Variants in TAFA2 observed in about 807,000 individuals in gnomAD.
The protein encoded by TAFA2 is TAFA chemokine like family member 2.
TAFA2 carries 7 observed loss-of-function variants against 18.8 expected under a neutral mutation model. The observed-to-expected ratio is 0.37, with a 90% confidence interval of 0.21 to 0.70. The LOEUF (loss-of-function observed/expected upper bound fraction) is 0.70, where lower values mean the gene tolerates loss of function less well. Ranked by LOEUF, TAFA2 falls within the 30% of genes least tolerant of loss-of-function variation. The pLI is 0.53. For synonymous variants in TAFA2, 60 were observed against 54.2 expected, an observed-to-expected ratio of 1.11 and a Z score of -0.47; for missense variants, 122 against 158.1, an observed-to-expected ratio of 0.77 and a Z score of 1.23.
intron 2 of TAFA2, among the ~76,000 whole-genome samples, chr12:61,798,376 G>A (rs934037814): frequency 4.0e-5 from 6 of 151,830 alleles, no homozygotes; most frequent in Admixed American, 6.6e-5. Context: ...TGTGCAGGAC[G>A]TGCAGATTTG....
chr12:62,009,102 AACTTCAGT>A, intron 1 of TAFA2, among the ~76,000 whole-genome samples: 1 of 152,316 alleles, frequency 6.6e-6, no homozygotes, highest in Non-Finnish European at 1.5e-5. Flanking sequence ...GAGCAATGAG[AACTTCAGT>A]ATCTGGTCAC....
At chr12:61,796,557 G>A (rs972785420) in intron 2 of TAFA2, among the ~76,000 whole-genome samples, 1 of 152,012 alleles carries the variant, frequency 6.6e-6, no homozygotes, top group Non-Finnish European at 1.5e-5. Context: ...GGAAGAGTAG[G>A]GAGGAGGAAT....
chr12:62,214,249 G>T (rs2062724946), intron 1 of TAFA2, among the ~76,000 whole-genome samples: 1 of 152,118 alleles, frequency 6.6e-6, no homozygotes, highest in Non-Finnish European at 1.5e-5. Context: ...CATGTGTTGT[G>T]GGAGGTAATT....
chr12:62,031,961 G>A (rs993585121), intron 1 of TAFA2, among the ~76,000 whole-genome samples: 3 of 152,224 alleles, frequency 2.0e-5, no homozygotes, highest in South Asian at 4.1e-4. Context: ...ATTGTAAAAC[G>A]TTATTTCTTC....
At chr12:61,990,267 G>T (rs1879956349) in intron 1 of TAFA2, among the ~76,000 whole-genome samples, 1 of 151,222 alleles carries the variant, frequency 6.6e-6, no homozygotes, top group African/African-American at 2.4e-5. Flanking sequence ...TATAACTATG[G>T]ACCATTTGTT....
intron 1 of TAFA2, among the ~76,000 whole-genome samples, chr12:62,124,441 G>A (rs193155992): frequency 6.6e-6 from 1 of 151,954 alleles, no homozygotes; most frequent in Admixed American, 6.6e-5. Flanking sequence ...AAAAGAAAAT[G>A]GAATCACAAA....
intron 4 of TAFA2, among the ~76,000 whole-genome samples, chr12:61,750,319 A>G (rs921078597): frequency 6.6e-6 from 1 of 152,152 alleles, no homozygotes. Context: ...ACAGAAAGTC[A>G]TAAATTTTCC....
intron 1 of TAFA2, among the ~76,000 whole-genome samples, chr12:61,905,744 A>G (rs548340739): frequency 6.6e-6 from 1 of 152,332 alleles, no homozygotes; most frequent in East Asian, 1.9e-4. Context: ...GCAAAGGATA[A>G]TGCAGAATTT....
chr12:61,829,326 A>C (rs1295308386), intron 2 of TAFA2, among the ~76,000 whole-genome samples: 1 of 151,720 alleles, frequency 6.6e-6, no homozygotes, highest in East Asian at 1.9e-4. Flanking sequence ...GGCATTATTG[A>C]ACTCGTATAT....
chr12:61,972,967 A>G (rs934190008), intron 1 of TAFA2, among the ~76,000 whole-genome samples: 2 of 151,690 alleles, frequency 1.3e-5, no homozygotes, highest in African/African-American at 4.8e-5. Flanking sequence ...CCACCTACCT[A>G]CATACCCTAT....
intron 1 of TAFA2, among the ~76,000 whole-genome samples, chr12:61,934,456 A>G (rs1244586211): frequency 1.3e-5 from 2 of 152,228 alleles, no homozygotes; most frequent in East Asian, 3.8e-4. Context: ...GCCGACAACT[A>G]ACTCACCAGG....
intron 2 of TAFA2, among the ~76,000 whole-genome samples, chr12:61,767,894 G>T (rs1862315541): frequency 6.6e-6 from 1 of 151,816 alleles, no homozygotes; most frequent in African/African-American, 2.4e-5. Flanking sequence ...GCTTTTCATT[G>T]TTGTTGACAT....
chr12:61,718,990 T>C (rs1052994725), intron 4 of TAFA2, among the ~76,000 whole-genome samples: 7 of 152,162 alleles, frequency 4.6e-5, no homozygotes, highest in African/African-American at 1.7e-4. Flanking sequence ...CTTTGTTGGT[T>C]TGTGTTACAA....
chr12:61,931,215 T>C (rs1328420269), intron 1 of TAFA2, among the ~76,000 whole-genome samples: 1 of 152,202 alleles, frequency 6.6e-6, no homozygotes, highest in Admixed American at 6.5e-5. Flanking sequence ...CTAATCCATT[T>C]CATGTGTTAT....
intron 2 of TAFA2, among the ~76,000 whole-genome samples, chr12:61,846,363 A>G (rs141996498): frequency 6.6e-6 from 1 of 152,328 alleles, no homozygotes; most frequent in Non-Finnish European, 1.5e-5. Flanking sequence ...ACAAAGAGTC[A>G]ACAGGATTTT....
At chr12:61,833,639 A>G (rs995675788) in intron 2 of TAFA2, among the ~76,000 whole-genome samples, 9 of 151,920 alleles carry the variant, frequency 5.9e-5, no homozygotes, top group African/African-American at 1.9e-4. Context: ...AGTTGCTTCA[A>G]ATTTAATTCT....
In TAFA2 at chr12:62,148,613, A is replaced by G. The variant is rs553709568; in HGVS notation, c.-2+42646T>C. Among the ~76,000 whole-genome samples, 5 of 152,326 alleles carry G rather than the reference A, an allele frequency of 3.3e-5. No individual in the cohort carries two copies. In the East Asian group the frequency reaches 9.6e-4, roughly 29 times the overall value. ...AGATACTATGTTCACTACTTGGGCA[A>G]CAGGAACATTAGAAGCCCAAACCCC... On this transcript the variant is annotated intron_variant, in intron 1 of 4. Coordinates refer to ENST00000416284, the MANE Select transcript of TAFA2 (RefSeq NM_178539.5).
At chr12:62,145,356 G>C (rs931842243) in intron 1 of TAFA2, among the ~76,000 whole-genome samples, 2 of 152,178 alleles carry the variant, frequency 1.3e-5, no homozygotes, top group African/African-American at 4.8e-5. Flanking sequence ...TGTGAACTGC[G>C]CATGCAAGGA....
At chr12:61,794,517 A>C (rs199926077) in intron 2 of TAFA2, among the ~76,000 whole-genome samples, 3 of 152,088 alleles carry the variant, frequency 2.0e-5, no homozygotes, top group Non-Finnish European at 4.4e-5. Flanking sequence ...GATAAAAGAA[A>C]TTAAGATCTA....
Sources: allele counts gnomAD v4.1 joint callset (sites outside exome capture counted in the v4.1 genomes callset), GRCh38; gene constraint gnomAD v4.1.1; transcripts MANE v1.5; gene names NCBI Gene and HGNC (gene_info 2026-07-23, HGNC 2026-07-21).